Variants in ZZEF1 observed in about 807,000 individuals in gnomAD.
ZZEF1 encodes the protein zinc finger ZZ-type and EF-hand domain-containing protein 1.
ZZEF1 carries 157 observed loss-of-function variants against 342.8 expected under a neutral mutation model. The observed-to-expected ratio is 0.46, with a 90% CI of 0.40 to 0.52. The LOEUF is 0.52. ZZEF1 is among the 20% of genes least tolerant of loss of function. The pLI, the probability that ZZEF1 is intolerant of heterozygous loss-of-function variation, is 0.00. For synonymous variants in ZZEF1, 1,505 were observed against 1,429.1 expected (o/e 1.05, Z -1.20); for missense variants, 3,480 against 3,725.6 (o/e 0.93, Z 1.72).
chr17:4,093,550 G>A (rs1390733843), intron 11 of ZZEF1, among the ~76,000 whole-genome samples: 2 of 152,146 alleles, frequency 1.3e-5, no homozygotes, highest in African/African-American at 4.8e-5. Flanking sequence ...AGATCCTTAC[G>A]ATTTCAAGTA....
At chr17:4,128,243 G>C (rs879646186) in intron 1 of ZZEF1, among the ~76,000 whole-genome samples, 2 of 150,322 alleles carry the variant, frequency 1.3e-5, no homozygotes, top group Non-Finnish European at 2.9e-5. Flanking sequence ...AGCTACTCAG[G>C]AGGCTGCAGC....
At chr17:4,021,066 G>A (rs138214682) in intron 45 of ZZEF1, 63 bp downstream of exon 45, 210 of 1,503,846 alleles carry the variant, frequency 1.4e-4, no homozygotes, top group African/African-American at 1.2e-3. Flanking sequence ...AACATGGCCC[G>A]GGCCAAAGAG....
Position 4,075,171 on chromosome 17 carries a change from A to G in ZZEF1, c.3409T>C (p.Tyr1137His). The G allele has an allele frequency of 6.2e-7, 1 of 1,614,226 alleles. No homozygotes were observed. Among genetic ancestry groups the G allele is most frequent in the Non-Finnish European group, 8.5e-7 (1 of 1,180,034 alleles). Residue 1137 changes from tyrosine to histidine, a missense_variant, in exon 23 of 55, where the codon TAT (tyrosine) becomes CAT (histidine). Around this residue, in one of 5 missense-constraint regions of ZZEF1, gnomAD observed 1,528 missense variants for 1,624.1 expected, o/e 0.94. Transcript: ENST00000381638. ...DRCETEKRYD[Y>H]LEFTDARGRK... ...CCTCTAGCGTCGGTAAATTCCAGAT[A>G]ATCATACCTGTGAAGGCATAACCTC...
intron 45 of ZZEF1, among the ~76,000 whole-genome samples, chr17:4,020,707 C>T (rs1597768109): frequency 6.6e-6 from 1 of 152,182 alleles, no homozygotes; most frequent in South Asian, 2.1e-4. Context: ...TTCTGAAGTC[C>T]AAGCCCTCAT....
intron 40 of ZZEF1, 195 bp from the exon 41 acceptor site, chr17:4,033,197 C>T (rs2056587398): frequency 3.6e-6 from 2 of 552,324 alleles, no homozygotes; most frequent in Admixed American, 3.1e-5. Context: ...TACTTACATA[C>T]TCACCCTACG....
intron 39 of ZZEF1, among the ~76,000 whole-genome samples, chr17:4,036,945 T>C (rs1337342931): frequency 6.6e-6 from 1 of 151,572 alleles, no homozygotes; most frequent in Non-Finnish European, 1.5e-5. Flanking sequence ...TACTATCCTC[T>C]ACCAAAAGGA....
At chr17:4,090,928 T>C in intron 11 of ZZEF1, 98 bp from the exon 12 acceptor site, 3 of 898,934 alleles carry the variant, frequency 3.3e-6, no homozygotes, top group African/African-American at 1.6e-5. Context: ...CTTGTATCTG[T>C]AGCCTGTCAG....
chr17:4,042,380 T>C (rs762542263), intron 39 of ZZEF1, 49 bp downstream of exon 39: 2 of 1,569,156 alleles, frequency 1.3e-6, no homozygotes, highest in East Asian at 2.2e-5. Flanking sequence ...TCCAAAACCT[T>C]CTTCTATGCA....
intron 35 of ZZEF1, 75 bp from the exon 36 acceptor site, chr17:4,051,118 T>G: frequency 6.2e-7 from 1 of 1,606,646 alleles, no homozygotes; most frequent in Non-Finnish European, 8.5e-7. Flanking sequence ...GCACAGGGCC[T>G]TAGGAGAGCA....
intron 9 of ZZEF1, among the ~76,000 whole-genome samples, chr17:4,099,640 G>A (rs886433994): frequency 4.0e-5 from 6 of 151,624 alleles, no homozygotes; most frequent in Non-Finnish European, 8.8e-5. Flanking sequence ...CCGCCTCCCG[G>A]GTTCAAGCAA....
chr17:4,090,737 T>C lies in ZZEF1; in HGVS notation c.2007A>G (p.Gln669=). 1 of 1,614,096 alleles carries C rather than the reference T, an allele frequency of 6.2e-7. No individual in the cohort carries two copies. Residue 669 remains glutamine, a synonymous_variant, in exon 12 of 55, where the codon CAA becomes CAG. Transcript: ENST00000381638. ...TGCTTACTTTGGCAACTCTGCACTG[T>C]TGCAGCTTCACATCTGCTTCATCCC... ...EEWDEADVKL[Q]QCRVAKYLMV... is the part of the protein sequence containing the mutation.
Position 4,021,233 on chromosome 17 carries a change from G to A in ZZEF1, c.7300C>T (p.Arg2434Ter). ...GDLELDERGD[R>*]EEEVERPVSS... Reference sequence around the variant, plus strand: ...ACTGGCCGTTCCACCTCTTCCTCTCGGTCCCCTCGCTCATCCAGCTCTAGG... The same window carrying A: ...ACTGGCCGTTCCACCTCTTCCTCTCAGTCCCCTCGCTCATCCAGCTCTAGG... The change falls in exon 45 of 55, where the codon CGA becomes TGA. Residue 2434 changes from arginine to a stop codon, truncating the protein, a stop_gained. Transcript: ENST00000381638. LOFTEE classifies it high-confidence loss of function. 1.9e-6 allele frequency: 3 copies of A among 1,614,132 alleles called. No homozygotes were observed. The highest frequency in any genetic ancestry group is 2.2e-5 in the East Asian group (1 of 44,882).
At chr17:4,066,304 G>C (rs2057393241) in intron 28 of ZZEF1, 143 bp downstream of exon 28, 2 of 707,018 alleles carry the variant, frequency 2.8e-6, no homozygotes, top group Non-Finnish European at 5.0e-6. Flanking sequence ...TACATCCTTG[G>C]ATACTATATT....
intron 1 of ZZEF1, among the ~76,000 whole-genome samples, chr17:4,132,199 CTCTT>C (rs996490530): frequency 4.2e-5 from 5 of 117,858 alleles, no homozygotes; most frequent in African/African-American, 8.3e-5. Flanking sequence ...CCTAAATTTT[CTCTT>C]TTTTTTTTTT....
At chr17:4,032,790 AG>A in intron 41 of ZZEF1, 37 bp downstream of exon 41, 1 of 1,606,084 alleles carries the variant, frequency 6.2e-7, no homozygotes, top group Non-Finnish European at 8.5e-7. Context: ...GAAGACTGGA[AG>A]GGGTGACCAG....
In ZZEF1 at chr17:4,076,621, T is replaced by G. The variant is rs1351756245; in HGVS notation, c.3234+16A>C. The G allele has an allele frequency of 3.7e-6, 6 of 1,601,634 alleles. No individual in the cohort carries two copies. Among genetic ancestry groups the G allele is most frequent in the Non-Finnish European group, 5.1e-6 (6 of 1,173,166 alleles). On this transcript the variant is annotated intron_variant, in intron 21 of 54. Coordinates refer to ENST00000381638, the MANE Select transcript of ZZEF1 (RefSeq NM_015113.4). ...GAGAGAGAACACGGGGCGGCTCAAG[T>G]GCTGACTCGAGTTACCTTCCTCAGT...
Position 4,016,697 on chromosome 17 carries a change from G to T in ZZEF1, c.8002-231C>A. 2 of 473,524 alleles carry T rather than the reference G, an allele frequency of 4.2e-6. No homozygotes were observed. The highest frequency in any genetic ancestry group is 7.4e-6 in the Non-Finnish European group (2 of 269,210). 29.3% of individuals were successfully genotyped at this position (473,524 alleles called of 1,614,324 possible). On this transcript the variant is annotated intron_variant, in intron 48 of 54. Transcript: ENST00000381638. The surrounding 1 kb of genome is among the most constrained non-coding windows in gnomAD (Gnocchi z 4.4). ...TTTCAGAATGATGCTACTTAGAGGT[G>T]GTCTGAAAGAACTAACTGAACCAAT...
intron 37 of ZZEF1, among the ~76,000 whole-genome samples, chr17:4,045,645 TCTTA>T (rs1014791666): frequency 6.6e-6 from 1 of 152,146 alleles, no homozygotes; most frequent in Non-Finnish European, 1.5e-5. Context: ...ATATTTCCTC[TCTTA>T]CTTTTCTATA....
At position 4,075,268 on chromosome 17, in the gene ZZEF1, T is replaced by C. The variant is rs768210711; in HGVS notation, c.3396A>G (p.Glu1132=). ...EVEFDDRCET[E]KRYDYLEFTD... ...AAAGAATATAGAAGTCTTACCTTTT[T>C]TCAGTTTCACACCTGTCATCGAATT... Residue 1132 remains glutamate, a synonymous_variant, in exon 22 of 55, where the codon GAA becomes GAG. Coordinates refer to ENST00000381638, the MANE Select transcript of ZZEF1 (RefSeq NM_015113.4). 22 of 1,614,022 alleles carry C rather than the reference T, an allele frequency of 1.4e-5. No homozygotes were observed. In the Admixed American group the frequency reaches 3.5e-4, roughly 26 times the overall value.
Sources: allele counts gnomAD v4.1 joint callset (sites outside exome capture counted in the v4.1 genomes callset), GRCh38; gene constraint gnomAD v4.1.1; regional missense constraint gnomAD v4.1.1; non-coding constraint Gnocchi (gnomAD v3.1); transcripts MANE v1.5; gene names NCBI Gene and HGNC (gene_info 2026-07-23, HGNC 2026-07-21).